CORO2B: variants seen among roughly 807,000 people sequenced by gnomAD.
The protein encoded by CORO2B is coronin-2B.
CORO2B carries 26 observed loss-of-function variants against 58.8 expected under a neutral mutation model. The ratio of observed to expected loss-of-function variants is 0.44; its 90% CI spans 0.32 to 0.61. The LOEUF is 0.61. Among genes scored for constraint, CORO2B ranks in the 20% least tolerant of loss-of-function variants. The pLI, the probability that CORO2B is intolerant of heterozygous loss-of-function variation, is 0.04. For missense variants in CORO2B, 460 were observed against 645.1 expected (o/e 0.71, Z 3.11); for synonymous variants, 242 against 253.8 (o/e 0.95, Z 0.44).
chr15:68,534,283 C>T, the CORO2B span, among the ~76,000 whole-genome samples: 1 of 152,270 alleles, frequency 6.6e-6, no homozygotes, highest in South Asian at 2.1e-4. Context: ...TGTGTACACA[C>T]ACCTGCACAT....
At chr15:68,611,047 C>G (rs1180181477) in intron 1 of CORO2B, among the ~76,000 whole-genome samples, 3 of 152,202 alleles carry the variant, frequency 2.0e-5, no homozygotes, top group East Asian at 3.9e-4. Context: ...AACAGCTAAG[C>G]TAATCCAACC....
At chr15:68,614,946 T>G (rs1455601152) in intron 1 of CORO2B, among the ~76,000 whole-genome samples, 1 of 151,526 alleles carries the variant, frequency 6.6e-6, no homozygotes, top group Non-Finnish European at 1.5e-5. Context: ...TCGGGTGGGG[T>G]GGGGGCTTGC....
At chr15:68,671,961 C>A (rs183061453) in intron 2 of CORO2B, among the ~76,000 whole-genome samples, 20 of 152,254 alleles carry the variant, frequency 1.3e-4, no homozygotes, top group Admixed American at 6.5e-4. Context: ...TTCTAAGGGG[C>A]AGTCAGGGGC....
intron 2 of CORO2B, among the ~76,000 whole-genome samples, chr15:68,672,422 T>C (rs2140296483): frequency 6.6e-6 from 1 of 151,918 alleles, no homozygotes; most frequent in Admixed American, 6.6e-5. Context: ...AGCCGGGACA[T>C]AGATGTGCAC....
At chr15:68,571,224 G>A in the CORO2B span, among the ~76,000 whole-genome samples, 11 of 152,222 alleles carry the variant, frequency 7.2e-5, no homozygotes, top group East Asian at 1.9e-3. Context: ...CACCTGTTCT[G>A]TACTCAGTAC....
At chr15:68,531,614 GGA>G in the CORO2B span, among the ~76,000 whole-genome samples, 12 of 141,270 alleles carry the variant, frequency 8.5e-5, no homozygotes, top group African/African-American at 2.6e-4. Flanking sequence ...AGGAAGGGAA[GGA>G]GAGAGAGAGA....
intron 2 of CORO2B, among the ~76,000 whole-genome samples, chr15:68,669,674 G>C (rs141035839): frequency 1.1e-3 from 167 of 152,226 alleles, no homozygotes; most frequent in African/African-American, 3.8e-3. Context: ...TCAATCCAAT[G>C]GTGGGTTTTG....
At chr15:68,704,179 G>A (rs1396657611) in intron 3 of CORO2B, among the ~76,000 whole-genome samples, 1 of 151,558 alleles carries the variant, frequency 6.6e-6, no homozygotes, top group East Asian at 1.9e-4. Flanking sequence ...GGTGGAGGCT[G>A]CAGTGAGCCA....
chr15:68,663,738 G>A (rs1902090367), intron 2 of CORO2B, among the ~76,000 whole-genome samples: 1 of 152,144 alleles, frequency 6.6e-6, no homozygotes, highest in Non-Finnish European at 1.5e-5. Context: ...AAAAAAAGTG[G>A]ACAAGACTTG....
chr15:68,561,525 GC>G, the CORO2B span, among the ~76,000 whole-genome samples: 1 of 152,168 alleles, frequency 6.6e-6, no homozygotes, highest in Admixed American at 6.5e-5. Flanking sequence ...AGGAAACCAG[GC>G]CTGCCCCTCC....
intron 1 of CORO2B, among the ~76,000 whole-genome samples, chr15:68,641,794 G>A (rs1901244234): frequency 6.6e-6 from 1 of 152,114 alleles, no homozygotes; most frequent in African/African-American, 2.4e-5. Context: ...GTGCGACTCA[G>A]CCCACTGCAA....
the CORO2B span, among the ~76,000 whole-genome samples, chr15:68,564,122 C>A: frequency 1.3e-5 from 2 of 152,064 alleles, no homozygotes; most frequent in African/African-American, 4.8e-5. Context: ...AAAACTTAGA[C>A]CATTGCTGTG....
At chr15:68,547,949 T>C in the CORO2B span, among the ~76,000 whole-genome samples, 4 of 152,098 alleles carry the variant, frequency 2.6e-5, no homozygotes, top group Admixed American at 6.5e-5. Context: ...GGCGGGTGGA[T>C]CACTTGAGGT....
chr15:68,698,054 C>T (rs1892556092), intron 3 of CORO2B, among the ~76,000 whole-genome samples: 1 of 152,298 alleles, frequency 6.6e-6, no homozygotes, highest in Middle Eastern at 3.4e-3. Context: ...TCTACCCACT[C>T]TGGGATGGGC....
chr15:68,668,551 A>C (rs577030700), intron 2 of CORO2B, among the ~76,000 whole-genome samples: 1 of 152,138 alleles, frequency 6.6e-6, no homozygotes, highest in Non-Finnish European at 1.5e-5. Context: ...AGTAAAGAGC[A>C]TGCGGAAGAG....
At chr15:68,626,719 C>T (rs146013169) in intron 1 of CORO2B, among the ~76,000 whole-genome samples, 91 of 152,240 alleles carry the variant, frequency 6.0e-4, no homozygotes, top group African/African-American at 2.0e-3. Context: ...AAGTCCATTT[C>T]GTTGGCTGGG....
rs545810777 is a variant in CORO2B, at chr15:68,626,500, C to T, written c.16-18660C>T. On this transcript the variant is annotated intron_variant, in intron 1 of 11. Transcript: ENST00000261861. ...AGTGCTAGAGATTCAGACAGGTGTT[C>T]TCCCCTGGGCCCTTTGAGGACAAGT... Among the ~76,000 whole-genome samples the T allele has an allele frequency of 7.2e-5, 11 of 152,292 alleles. No homozygotes were observed. In the South Asian group the frequency reaches 2.1e-3, roughly 29 times the overall value.
At chr15:68,718,922 G>A in intron 9 of CORO2B, 112 bp downstream of exon 9, 1 of 982,372 alleles carries the variant, frequency 1.0e-6, no homozygotes, top group Non-Finnish European at 1.6e-6. Context: ...TGTGAACTGG[G>A]GTCTTCAAAC....
intron 1 of CORO2B, among the ~76,000 whole-genome samples, chr15:68,641,000 C>T (rs1901199954): frequency 1.3e-5 from 2 of 152,122 alleles, no homozygotes; most frequent in African/African-American, 2.4e-5. Flanking sequence ...TGGAGCTCCA[C>T]GCCCAGGGTT....
Sources: allele counts gnomAD v4.1 joint callset (sites outside exome capture counted in the v4.1 genomes callset), GRCh38; gene constraint gnomAD v4.1.1; transcripts MANE v1.5; gene names NCBI Gene and HGNC (gene_info 2026-07-23, HGNC 2026-07-21).